The following PRKCH variants were observed in gnomAD, a reference collection of about 807,000 sequenced individuals.
PRKCH encodes the protein protein kinase C eta, also known as protein kinase C eta type.
In PRKCH, 28 loss-of-function variants were observed where a neutral mutation model predicts 82.5. The ratio of observed to expected loss-of-function variants is 0.34; its 90% CI spans 0.25 to 0.47. The LOEUF (loss-of-function observed/expected upper bound fraction) is 0.47. Ranked by LOEUF, PRKCH falls within the 20% of genes least tolerant of loss-of-function variation. The pLI is 1.00. For missense variants in PRKCH, 705 were observed against 881.8 expected, an observed-to-expected ratio of 0.80 and a Z score of 2.54; for synonymous variants, 322 against 327.4, an observed-to-expected ratio of 0.98 and a Z score of 0.18.
chr14:61,210,945 C>T (rs1019421987), intron 1 of PRKCH, among the ~76,000 whole-genome samples: 8 of 152,108 alleles, frequency 5.3e-5, no homozygotes, highest in African/African-American at 1.2e-4. Context: ...AGGAATCTAG[C>T]GTTAACCCAA....
intron 9 of PRKCH, among the ~76,000 whole-genome samples, chr14:61,460,911 G>T (rs1028420560): frequency 4.6e-5 from 7 of 152,160 alleles, no homozygotes; most frequent in African/African-American, 1.4e-4. Context: ...TCTGTGTTGG[G>T]AGGGCCACAT....
chr14:61,359,586 G>GGAACTTCTTGTATACTCTGAGAGA (rs1252674429), intron 1 of PRKCH, among the ~76,000 whole-genome samples: 4 of 152,254 alleles, frequency 2.6e-5, no homozygotes, highest in East Asian at 3.9e-4. Flanking sequence ...CTGGAGATAG[G>GGAACTTCTTGTATACTCTGAGAGA]GAACTTCTTG....
At chr14:61,467,339 C>G (rs374589410) in intron 9 of PRKCH, among the ~76,000 whole-genome samples, 1 of 152,210 alleles carries the variant, frequency 6.6e-6, no homozygotes, top group African/African-American at 2.4e-5. Context: ...AGGGAGTGCC[C>G]CTCCAGCTGG....
chr14:61,280,363 A>G lies in PRKCH; in HGVS notation c.-19+92695A>G, dbSNP rs2045246657. 2 of 1,613,846 alleles carry G rather than the reference A, an allele frequency of 1.2e-6. No individual in the cohort carries two copies. Among genetic ancestry groups the G allele is most frequent in the East Asian group, 2.2e-5 (1 of 44,880 alleles). On this transcript the variant is annotated intron_variant, in intron 1 of 3. Transcript: ENST00000555185. The surrounding 1 kb of genome is among the most constrained non-coding windows in gnomAD (Gnocchi z 5.0). ...GCGGATGCGCGCGTACAGTTTGCGGAACGTGGGCAGCGCCGCCGTGCGCAT... is the reference window on the plus strand; with the variant it reads ...GCGGATGCGCGCGTACAGTTTGCGGGACGTGGGCAGCGCCGCCGTGCGCAT...
At chr14:61,357,445 G>A (rs1265655581) in intron 1 of PRKCH, among the ~76,000 whole-genome samples, 3 of 152,168 alleles carry the variant, frequency 2.0e-5, no homozygotes, top group Non-Finnish European at 4.4e-5. Context: ...ATCTGCTCCT[G>A]CATCCTCCTA....
intron 1 of PRKCH, among the ~76,000 whole-genome samples, chr14:61,347,636 G>A (rs1338727889): frequency 6.6e-6 from 1 of 152,222 alleles, no homozygotes; most frequent in Admixed American, 6.5e-5. Context: ...GACACTTAAT[G>A]TAGGCCCCTT....
intron 2 of PRKCH, among the ~76,000 whole-genome samples, chr14:61,426,772 A>G (rs1335169954): frequency 6.6e-6 from 1 of 152,248 alleles, no homozygotes; most frequent in African/African-American, 2.4e-5. Context: ...GTATTCACAG[A>G]GGAATTTTCT....
chr14:61,260,259 T>C (rs2045034758), intron 1 of PRKCH, among the ~76,000 whole-genome samples: 1 of 152,244 alleles, frequency 6.6e-6, no homozygotes, highest in Admixed American at 6.5e-5. Flanking sequence ...GTAGTGTAAT[T>C]GCATTGTCCT....
In PRKCH at chr14:61,429,900, G is replaced by A. The variant is rs919053270; in HGVS notation, c.428-13211G>A. On this transcript the variant is annotated intron_variant, in intron 2 of 13. Transcript: ENST00000332981. Reference sequence around the variant, plus strand: ...ATACTATATAGATGGGATTTTGTAGGTTTTAGTCTCTCTACCCCGCTGTCT... The same window carrying A: ...ATACTATATAGATGGGATTTTGTAGATTTTAGTCTCTCTACCCCGCTGTCT... Among the ~76,000 whole-genome samples the A allele has an allele frequency of 3.3e-5, 5 of 152,076 alleles. No homozygotes were observed. The East Asian group carries it at 7.7e-4, about 23-fold the overall frequency.
chr14:61,250,906 T>TA (rs1272640961), intron 1 of PRKCH, among the ~76,000 whole-genome samples: 2 of 152,066 alleles, frequency 1.3e-5, no homozygotes, highest in Non-Finnish European at 2.9e-5. Flanking sequence ...AGCCATTTTT[T>TA]AAAAAAAGGT....
intron 1 of PRKCH, among the ~76,000 whole-genome samples, chr14:61,262,461 T>C (rs1473243968): frequency 6.6e-6 from 1 of 152,148 alleles, no homozygotes; most frequent in Non-Finnish European, 1.5e-5. Flanking sequence ...GATTCATTTA[T>C]ATGAAGTCTA....
chr14:61,256,404 G>A (rs770056882), intron 1 of PRKCH, among the ~76,000 whole-genome samples: 1 of 152,170 alleles, frequency 6.6e-6, no homozygotes, highest in African/African-American at 2.4e-5. Flanking sequence ...AGAACCGTCA[G>A]TGAAGCCCAC....
intron 1 of PRKCH, among the ~76,000 whole-genome samples, chr14:61,255,674 G>T (rs752397252): frequency 2.0e-5 from 3 of 152,152 alleles, no homozygotes; most frequent in Non-Finnish European, 4.4e-5. Context: ...GCCTTATGAG[G>T]TGAGTAGGGG....
In PRKCH at chr14:61,321,970, C is replaced by A. The variant is rs1312266428; in HGVS notation, c.-132C>A. 3 of 961,864 alleles carry A rather than the reference C, an allele frequency of 3.1e-6. No homozygotes were observed. Among genetic ancestry groups the A allele is most frequent in the Non-Finnish European group, 4.5e-6 (3 of 667,980 alleles). 59.6% of individuals were successfully genotyped at this position (961,864 alleles called of 1,614,324 possible). A position where few individuals can be genotyped will look rare whatever the true frequency, so the allele number is the denominator to read the frequency against. Reference sequence around the variant, plus strand: ...GGAGGCAGAATGGCCAGTCGAGGGGCGCTTAGGCGCTGCCTTTCCCCAGGG... The same window carrying A: ...GGAGGCAGAATGGCCAGTCGAGGGGAGCTTAGGCGCTGCCTTTCCCCAGGG... On this transcript the variant is annotated 5_prime_UTR_variant, in exon 1 of 14. Coordinates refer to ENST00000332981, the MANE Select transcript of PRKCH (RefSeq NM_006255.5). The surrounding 1 kb of genome is among the most constrained non-coding windows in gnomAD (Gnocchi z 4.1).
At chr14:61,210,790 C>CTCTCTCTCTGTGTG (rs1351869252) in intron 1 of PRKCH, among the ~76,000 whole-genome samples, 1 of 138,986 alleles carries the variant, frequency 7.2e-6, no homozygotes, top group Non-Finnish European at 1.5e-5. Flanking sequence ...CTCTCTCTCT[C>CTCTCTCTCTGTGTG]TGTGTGTGTG....
intron 1 of PRKCH, among the ~76,000 whole-genome samples, chr14:61,220,731 T>C (rs2044649498): frequency 6.6e-6 from 1 of 151,594 alleles, no homozygotes; most frequent in Admixed American, 6.6e-5. Context: ...TATATTCACA[T>C]CATCAACACG....
chr14:61,352,718 G>GAAAGA (rs1555378114), intron 1 of PRKCH, among the ~76,000 whole-genome samples: 1 of 151,364 alleles, frequency 6.6e-6, no homozygotes, highest in Non-Finnish European at 1.5e-5. Flanking sequence ...AAGAAAGAAA[G>GAAAGA]AAAGAAAGAA....
At chr14:61,509,204 G>A (rs1303870147) in intron 10 of PRKCH, among the ~76,000 whole-genome samples, 5 of 152,116 alleles carry the variant, frequency 3.3e-5, no homozygotes, top group South Asian at 2.1e-4. Flanking sequence ...TAAATTACGC[G>A]TAAATATGTA....
chr14:61,285,300 T>C (rs1213223332), intron 1 of PRKCH, among the ~76,000 whole-genome samples: 5 of 152,166 alleles, frequency 3.3e-5, no homozygotes, highest in Non-Finnish European at 7.4e-5. Flanking sequence ...AAGCACAGAA[T>C]ATATTTAGTC....
Sources: allele counts gnomAD v4.1 joint callset (sites outside exome capture counted in the v4.1 genomes callset), GRCh38; gene constraint gnomAD v4.1.1; non-coding constraint Gnocchi (gnomAD v3.1); transcripts MANE v1.5; gene names NCBI Gene and HGNC (gene_info 2026-07-23, HGNC 2026-07-21).